Variants in PRKCA observed in about 807,000 individuals in gnomAD.
PRKCA encodes the protein protein kinase C alpha, also known as protein kinase C alpha type.
Under a neutral mutation model 87.0 loss-of-function variants are expected in PRKCA, and 27 were observed. The ratio of observed to expected loss-of-function variants is 0.31; its 90% CI spans 0.23 to 0.43. PRKCA has a LOEUF of 0.43. Ranked by LOEUF, PRKCA falls within the 20% of genes least tolerant of loss-of-function variation. The pLI is 1.00. For missense variants in PRKCA, 518 were observed against 852.3 expected, an observed-to-expected ratio of 0.61 and a Z score of 4.88; for synonymous variants, 329 against 311.1, an observed-to-expected ratio of 1.06 and a Z score of -0.61.
At chr17:66,765,439 T>G (rs1305350036) in intron 13 of PRKCA, among the ~76,000 whole-genome samples, 2 of 136,946 alleles carry the variant, frequency 1.5e-5, no homozygotes, top group African/African-American at 2.7e-5. Flanking sequence ...TATATATATA[T>G]ATATATATAT....
At chr17:66,548,973 T>G (rs2143198496) in intron 3 of PRKCA, among the ~76,000 whole-genome samples, 1 of 151,962 alleles carries the variant, frequency 6.6e-6, no homozygotes, top group African/African-American at 2.4e-5. Flanking sequence ...ACCCAGCTAA[T>G]TTTTGTATTT....
intron 13 of PRKCA, among the ~76,000 whole-genome samples, chr17:66,757,794 G>A (rs7222613): frequency 0.079 from 12,016 of 152,070 alleles, 529 homozygotes; most frequent in African/African-American, 0.11. Context: ...GCGCCATCTC[G>A]GCTCACTGCA....
At chr17:66,716,011 C>A (rs1973464338) in intron 8 of PRKCA, among the ~76,000 whole-genome samples, 1 of 152,208 alleles carries the variant, frequency 6.6e-6, no homozygotes, top group African/African-American at 2.4e-5. Context: ...GATGAGATCA[C>A]CACCTTGTGC....
chr17:66,504,930 A>C (rs1466325847), intron 3 of PRKCA, among the ~76,000 whole-genome samples: 7 of 152,220 alleles, frequency 4.6e-5, no homozygotes, highest in Non-Finnish European at 1.0e-4. Flanking sequence ...AATGTTCTGC[A>C]TGTCCTGTCG....
rs146433763 is a variant in PRKCA at position 66,742,811 on chromosome 17, G to A, written c.1524+51G>A. On this transcript the variant is annotated intron_variant, in intron 13 of 16. Transcript: ENST00000413366. The stretch of plus-strand genomic sequence containing the variant: ...CAACCAGGACTCCCAAACTGTAAAC[G>A]CAGCCCTCTCATGGGTTATAGGGTC... 187 of 1,594,472 alleles carry A rather than the reference G, an allele frequency of 1.2e-4. 1 individual carries two copies. The African/African-American group carries it at 1.8e-3, about 16-fold the overall frequency.
intron 6 of PRKCA, 61 bp from the exon 7 acceptor site, chr17:66,688,241 G>T: frequency 6.3e-7 from 1 of 1,592,300 alleles, no homozygotes; most frequent in Non-Finnish European, 8.6e-7. Flanking sequence ...TATACATGTG[G>T]TATCTCCCAA....
intron 3 of PRKCA, among the ~76,000 whole-genome samples, chr17:66,532,297 T>A (rs1345812513): frequency 1.5e-5 from 1 of 68,360 alleles, no homozygotes. Context: ...TCCTGCCCCC[T>A]CCCCCCCCAC....
At chr17:66,343,355 C>G (rs963272336) in intron 2 of PRKCA, among the ~76,000 whole-genome samples, 2 of 152,146 alleles carry the variant, frequency 1.3e-5, no homozygotes, top group Non-Finnish European at 2.9e-5. Context: ...CCCCCCTTGT[C>G]TATTCTGGGG....
intron 3 of PRKCA, among the ~76,000 whole-genome samples, chr17:66,583,851 A>G (rs897104887): frequency 1.3e-5 from 2 of 152,226 alleles, no homozygotes; most frequent in African/African-American, 2.4e-5. Flanking sequence ...CTGCAATCCA[A>G]CATTGTGCAG....
chr17:66,370,146 A>G (rs1386500290), intron 2 of PRKCA, among the ~76,000 whole-genome samples: 1 of 152,046 alleles, frequency 6.6e-6, no homozygotes, highest in African/African-American at 2.4e-5. Flanking sequence ...CGGTAAGGAC[A>G]GTCCTTCCAC....
chr17:66,728,361 C>A (rs1973806738), intron 8 of PRKCA, among the ~76,000 whole-genome samples: 1 of 152,224 alleles, frequency 6.6e-6, no homozygotes, highest in South Asian at 2.1e-4. Flanking sequence ...TCCCAAACAG[C>A]TGCCTGTTCT....
At chr17:66,423,241 G>A (rs1433652368) in intron 2 of PRKCA, among the ~76,000 whole-genome samples, 3 of 152,122 alleles carry the variant, frequency 2.0e-5, no homozygotes, top group African/African-American at 4.8e-5. Flanking sequence ...GGAATGCAGC[G>A]AGGATTTTGC....
chr17:66,717,682 C>T (rs928612900), intron 8 of PRKCA, among the ~76,000 whole-genome samples: 1 of 152,222 alleles, frequency 6.6e-6, no homozygotes, highest in Non-Finnish European at 1.5e-5. Flanking sequence ...AACAGAGCGT[C>T]CTTCTCTTCC....
In PRKCA at chr17:66,596,571, CTTTTTT is replaced by C. The variant is rs10582567; in HGVS notation, c.289-44768_289-44763del. Among the ~76,000 whole-genome samples, 64 of 113,862 alleles carry C rather than the reference CTTTTTT, an allele frequency of 5.6e-4. 1 individual carries two copies. Among genetic ancestry groups the C allele is most frequent in the African/African-American group, 2.2e-3 (60 of 27,174 alleles). The allele number at this position is 113,862 out of a possible 152,430, so 74.7% of individuals were successfully genotyped here. Reference sequence around the variant, plus strand: ...GTAGGAAATTGAAAAAATATTAAACCTTTTTTTTTTTTTTTTTTTTTATTATACTCT... The same window carrying C: ...GTAGGAAATTGAAAAAATATTAAACCTTTTTTTTTTTTTTTATTATACTCT... On this transcript the variant is annotated intron_variant, in intron 3 of 16. Transcript: ENST00000413366.
rs148339047 is a variant in PRKCA, at chr17:66,743,082, G to A, written c.1524+322G>A. On this transcript the variant is annotated intron_variant, in intron 13 of 16. Transcript: ENST00000413366. The stretch of plus-strand genomic sequence containing the variant: ...GCGGTGGCTCACGCCTGTAATCCCA[G>A]CACTTTGGGAGCCCGAGGTGGGTGG... 1.6e-4 allele frequency among the ~76,000 whole-genome samples: 24 copies of A among 152,320 alleles called. No individual in the cohort carries two copies. The East Asian group carries it at 4.4e-3, about 28-fold the overall frequency.
intron 8 of PRKCA, among the ~76,000 whole-genome samples, chr17:66,714,305 A>T (rs8072842): frequency 0.55 from 82,811 of 151,480 alleles, 22,933 homozygotes; most frequent in African/African-American, 0.61. Context: ...GGGGCCAGAG[A>T]GCTAGGGTGC....
chr17:66,327,228 G>T (rs1188145651), intron 2 of PRKCA, among the ~76,000 whole-genome samples: 1 of 151,922 alleles, frequency 6.6e-6, no homozygotes, highest in African/African-American at 2.4e-5. Context: ...TTAGCTGAGT[G>T]TGGTGGTGGG....
rs148125772 is a variant in PRKCA, at chr17:66,801,948, C to T, written c.1855-1925C>T. On this transcript the variant is annotated intron_variant, in intron 16 of 16. Transcript: ENST00000413366. ...TGGAAATAAGCCCAGAGGCTGGACG[C>T]GGTGGCTCACACCTGTAATCCCAGT... Among the ~76,000 whole-genome samples the T allele has an allele frequency of 3.0e-3, 459 of 152,288 alleles. 8 individuals are homozygous for T. The highest frequency in any genetic ancestry group is 0.026 in the Admixed American group (405 of 15,298).
chr17:66,373,701 A>G (rs1204024485), intron 2 of PRKCA, among the ~76,000 whole-genome samples: 1 of 152,210 alleles, frequency 6.6e-6, no homozygotes, highest in African/African-American at 2.4e-5. Context: ...TTACATAGGG[A>G]CAATCACAGA....
Sources: allele counts gnomAD v4.1 joint callset (sites outside exome capture counted in the v4.1 genomes callset), GRCh38; gene constraint gnomAD v4.1.1; transcripts MANE v1.5; gene names NCBI Gene and HGNC (gene_info 2026-07-23, HGNC 2026-07-21).